TM9SF4: variants seen among roughly 807,000 people sequenced by gnomAD.
The protein encoded by TM9SF4 is transmembrane 9 superfamily member 4.
TM9SF4 carries 26 observed loss-of-function variants against 90.4 expected under a neutral mutation model. The observed-to-expected ratio is 0.29, with a 90% CI of 0.21 to 0.40. The LOEUF is 0.40. Ranked by LOEUF, TM9SF4 falls within the 10% of genes least tolerant of loss-of-function variation. The probability of loss-of-function intolerance (pLI) is 1.00; values close to 1 mark genes in which losing one functional copy is unlikely to be tolerated. For synonymous variants in TM9SF4, 293 were observed against 315.4 expected, an observed-to-expected ratio of 0.93 and a Z score of 0.75; for missense variants, 549 against 834.8, an observed-to-expected ratio of 0.66 and a Z score of 4.22.
At chr20:32,158,639 A>G in intron 15 of TM9SF4, 125 bp downstream of exon 15, 1 of 928,632 alleles carries the variant, frequency 1.1e-6, no homozygotes, top group Non-Finnish European at 1.7e-6. Context: ...TCGGAGCCCC[A>G]TTCTTCACCC....
intron 1 of TM9SF4, among the ~76,000 whole-genome samples, chr20:32,125,064 G>T (rs1171742420): frequency 6.6e-6 from 1 of 152,106 alleles, no homozygotes; most frequent in Non-Finnish European, 1.5e-5. Context: ...CTGTTCATCA[G>T]GGCAGAGACC....
chr20:32,122,425 C>T (rs1244332414), intron 1 of TM9SF4, among the ~76,000 whole-genome samples: 1 of 148,916 alleles, frequency 6.7e-6, no homozygotes, highest in African/African-American at 2.5e-5. Flanking sequence ...TGCTGCCGGG[C>T]GGAGAGGCTC....
At chr20:32,143,445 G>A (rs533563614) in intron 6 of TM9SF4, among the ~76,000 whole-genome samples, 1 of 152,334 alleles carries the variant, frequency 6.6e-6, no homozygotes, top group Non-Finnish European at 1.5e-5. Context: ...CTCCTCACAA[G>A]AACCAGCCAG....
At chr20:32,121,277 A>G (rs942840991) in intron 1 of TM9SF4, among the ~76,000 whole-genome samples, 8 of 150,434 alleles carry the variant, frequency 5.3e-5, no homozygotes, top group African/African-American at 2.0e-4. Flanking sequence ...TCATAGGACA[A>G]TAGTGGAGGG....
chr20:32,163,268 A>AATATATATATATAT (rs1186662308), intron 17 of TM9SF4, among the ~76,000 whole-genome samples: 41 of 74,358 alleles, frequency 5.5e-4, no homozygotes, highest in African/African-American at 2.0e-3. Flanking sequence ...AAAAAAAAAA[A>AATATATATATATAT]ATATATATAT....
At chr20:32,137,034 G>A (rs571670286) in intron 3 of TM9SF4, 1 of 461,498 alleles carries the variant, frequency 2.2e-6, no homozygotes, top group Non-Finnish European at 4.4e-6. Context: ...GGCAGGCCTT[G>A]GAGCCAGTTT....
At chr20:32,113,297 A>G (rs939259868) in intron 1 of TM9SF4, among the ~76,000 whole-genome samples, 1 of 152,108 alleles carries the variant, frequency 6.6e-6, no homozygotes, top group Non-Finnish European at 1.5e-5. Context: ...TCCCAGAACA[A>G]TGTCAGTATG....
At chr20:32,128,711 G>A (rs1277213653) in intron 1 of TM9SF4, among the ~76,000 whole-genome samples, 1 of 152,000 alleles carries the variant, frequency 6.6e-6, no homozygotes, top group African/African-American at 2.4e-5. Flanking sequence ...TTTCACGTAA[G>A]ATAATAGTCT....
chr20:32,161,471 A>C, intron 17 of TM9SF4, 106 bp downstream of exon 17: 1 of 1,070,154 alleles, frequency 9.3e-7, no homozygotes. Flanking sequence ...TTTTCCACCC[A>C]GAATGGGGAG....
At chr20:32,160,208 C>A in intron 16 of TM9SF4, 97 bp downstream of exon 16, 1 of 1,543,496 alleles carries the variant, frequency 6.5e-7, no homozygotes, top group Non-Finnish European at 8.8e-7. Flanking sequence ...CTGGGCTCTT[C>A]ATGTGGCCCC....
At chr20:32,116,219 C>T (rs1257740483) in intron 1 of TM9SF4, 2 of 151,590 alleles carry the variant, frequency 1.3e-5, no homozygotes, top group East Asian at 3.9e-4. Flanking sequence ...TTTTCATCAT[C>T]TCATTTTTGA....
intron 1 of TM9SF4, among the ~76,000 whole-genome samples, chr20:32,130,779 T>C (rs2046498703): frequency 6.6e-6 from 1 of 152,252 alleles, no homozygotes; most frequent in African/African-American, 2.4e-5. Flanking sequence ...CATGGGGACC[T>C]GGAGTGGGAG....
chr20:32,145,465 G>T, intron 8 of TM9SF4, 42 bp downstream of exon 8: 1 of 1,570,334 alleles, frequency 6.4e-7, no homozygotes, highest in Non-Finnish European at 8.8e-7. Context: ...TGGGGGTTGG[G>T]GTTGAGGGAC....
intron 2 of TM9SF4, 118 bp downstream of exon 2, chr20:32,133,244 C>T (rs1484340823): frequency 2.4e-6 from 2 of 831,398 alleles, no homozygotes; most frequent in East Asian, 2.7e-5. Context: ...GCCAGTTACC[C>T]CGGAACTCTG....
At chr20:32,119,831 G>A (rs1396018993) in intron 1 of TM9SF4, among the ~76,000 whole-genome samples, 1 of 151,942 alleles carries the variant, frequency 6.6e-6, no homozygotes, top group Non-Finnish European at 1.5e-5. Context: ...GATCCATTTT[G>A]ACTTAATTTT....
At chr20:32,163,752 C>T (rs2047061479) in intron 17 of TM9SF4, among the ~76,000 whole-genome samples, 1 of 151,716 alleles carries the variant, frequency 6.6e-6, no homozygotes, top group Non-Finnish European at 1.5e-5. Flanking sequence ...GCTGGGGTTA[C>T]AGGTGCACAC....
chr20:32,160,747 G>A (rs959003606), intron 16 of TM9SF4, among the ~76,000 whole-genome samples: 2 of 151,982 alleles, frequency 1.3e-5, no homozygotes, highest in African/African-American at 2.4e-5. Context: ...TCAGAAGATC[G>A]AGACCATCCT....
intron 13 of TM9SF4, 34 bp downstream of exon 13, chr20:32,155,220 C>G: frequency 6.3e-7 from 1 of 1,575,876 alleles, no homozygotes; most frequent in South Asian, 1.1e-5. Context: ...AGCCCCTCCC[C>G]AGCAAGCGAG....
At chr20:32,144,436 A>G (rs537876585) in intron 6 of TM9SF4, among the ~76,000 whole-genome samples, 1 of 152,330 alleles carries the variant, frequency 6.6e-6, no homozygotes, top group South Asian at 2.1e-4. Context: ...GCATGATGGA[A>G]TGGATCAAGG....
Sources: allele counts gnomAD v4.1 joint callset (sites outside exome capture counted in the v4.1 genomes callset), GRCh38; gene constraint gnomAD v4.1.1; transcripts MANE v1.5; gene names NCBI Gene and HGNC (gene_info 2026-07-23, HGNC 2026-07-21).